ST6GAL2: variants seen among roughly 807,000 people sequenced by gnomAD.
ST6GAL2 encodes ST6 beta-galactoside alpha-2,6-sialyltransferase 2.
ST6GAL2 carries 24 observed loss-of-function variants against 37.5 expected under a neutral mutation model. The ratio of observed to expected loss-of-function variants is 0.64; its 90% CI spans 0.46 to 0.90. The LOEUF is 0.90. Ranked by LOEUF, ST6GAL2 falls within the 40% of genes least tolerant of loss-of-function variation. The pLI is 0.00. For missense variants in ST6GAL2, 715 were observed against 712.7 expected, an observed-to-expected ratio of 1.00 and a Z score of -0.04; for synonymous variants, 306 against 295.1, an observed-to-expected ratio of 1.04 and a Z score of -0.38.
chr2:106,829,087 C>A (rs1676312555), intron 5 of ST6GAL2, among the ~76,000 whole-genome samples: 1 of 152,200 alleles, frequency 6.6e-6, no homozygotes, highest in Non-Finnish European at 1.5e-5. Context: ...ACACACTATC[C>A]TGTGGTCACA....
chr2:106,807,870 C>G (rs576219212), intron 5 of ST6GAL2, among the ~76,000 whole-genome samples: 8 of 152,196 alleles, frequency 5.3e-5, no homozygotes, highest in African/African-American at 1.4e-4. Flanking sequence ...CTGCTCCCCC[C>G]ACCTCGGCCT....
intron 1 of ST6GAL2, among the ~76,000 whole-genome samples, chr2:106,878,231 G>A (rs2104644914): frequency 1.3e-5 from 2 of 152,350 alleles, no homozygotes; most frequent in Middle Eastern, 3.4e-3. Flanking sequence ...TGGGGGTTGA[G>A]GCGGGAGGAT....
intron 5 of ST6GAL2, chr2:106,813,063 A>G: frequency 8.1e-7 from 1 of 1,229,392 alleles, no homozygotes; most frequent in East Asian, 3.2e-5. Context: ...GTATGGGGCC[A>G]GCTGTTTTGA....
At chr2:106,850,714 C>A (rs576526347) in intron 1 of ST6GAL2, among the ~76,000 whole-genome samples, 158 of 152,154 alleles carry the variant, frequency 1.0e-3, no homozygotes, top group Middle Eastern at 3.2e-3. Context: ...AATGTTACAG[C>A]CCTGGATCAT....
At chr2:106,820,632 C>T (rs1422221828) in intron 5 of ST6GAL2, among the ~76,000 whole-genome samples, 1 of 152,006 alleles carries the variant, frequency 6.6e-6, no homozygotes, top group East Asian at 1.9e-4. Context: ...ACCAAATGGA[C>T]CTATAATTAT....
At chr2:106,867,059 G>A (rs973471607) in intron 1 of ST6GAL2, among the ~76,000 whole-genome samples, 2 of 152,182 alleles carry the variant, frequency 1.3e-5, no homozygotes, top group Non-Finnish European at 1.5e-5. Flanking sequence ...AGGCAAGGAA[G>A]AGAAGGGAAA....
intron 1 of ST6GAL2, among the ~76,000 whole-genome samples, chr2:106,874,426 G>A (rs985324064): frequency 6.6e-6 from 1 of 152,084 alleles, no homozygotes; most frequent in African/African-American, 2.4e-5. Context: ...CATGAGCTTG[G>A]ATCCAAGCCA....
chr2:106,849,364 C>A (rs1677266458), intron 1 of ST6GAL2, among the ~76,000 whole-genome samples: 1 of 152,058 alleles, frequency 6.6e-6, no homozygotes, highest in African/African-American at 2.4e-5. Flanking sequence ...GTGGACACAA[C>A]TGACCAGGAT....
chr2:106,875,907 C>T (rs1395391098), intron 1 of ST6GAL2, among the ~76,000 whole-genome samples: 1 of 152,106 alleles, frequency 6.6e-6, no homozygotes, highest in East Asian at 1.9e-4. Flanking sequence ...AAATTTTTTC[C>T]AAATTCACAA....
At chr2:106,808,057 T>C (rs1675484364) in intron 5 of ST6GAL2, among the ~76,000 whole-genome samples, 1 of 152,154 alleles carries the variant, frequency 6.6e-6, no homozygotes. Context: ...ATAAAAAACA[T>C]AAAGCAGCAC....
intron 1 of ST6GAL2, among the ~76,000 whole-genome samples, chr2:106,874,443 CAT>C (rs1048669568): frequency 6.6e-6 from 1 of 151,958 alleles, no homozygotes; most frequent in African/African-American, 2.4e-5. Flanking sequence ...GCCAGAAGCA[CAT>C]GATGTTCTAA....
At position 106,843,908 on chromosome 2, in the gene ST6GAL2, A is replaced by C. The variant is rs752050814; in HGVS notation, c.70T>G (p.Leu24Val). The C allele has an allele frequency of 4.8e-5, 77 of 1,602,574 alleles. No individual in the cohort carries two copies. The highest frequency in any genetic ancestry group is 6.0e-5 in the Non-Finnish European group (71 of 1,179,022). Reference sequence around the variant, plus strand: ...TCGGTGAAGTAGATGAAAATCAGCAAAAAGAGGAGCCCCCAAGCGAATATT... The same window carrying C: ...TCGGTGAAGTAGATGAAAATCAGCACAAAGAGGAGCCCCCAAGCGAATATT... ...FGIFAWGLLF[L>V]LIFIYFTDSN... is the part of the protein sequence containing the mutation. The change falls in exon 2 of 6, where the codon TTG (leucine) becomes GTG (valine). Residue 24 changes from leucine (L) to valine (V), a missense_variant. Transcript: ENST00000409382.
At chr2:106,820,681 T>C (rs1675971390) in intron 5 of ST6GAL2, among the ~76,000 whole-genome samples, 1 of 152,096 alleles carries the variant, frequency 6.6e-6, no homozygotes, top group South Asian at 2.1e-4. Flanking sequence ...GAATACACAT[T>C]CTTTTCCTCA....
chr2:106,836,147 CA>C (rs1468563463), intron 2 of ST6GAL2, among the ~76,000 whole-genome samples: 1 of 152,020 alleles, frequency 6.6e-6, no homozygotes, highest in Non-Finnish European at 1.5e-5. Context: ...TCTATATTTT[CA>C]AAAACCAAAA....
intron 1 of ST6GAL2, among the ~76,000 whole-genome samples, chr2:106,874,660 C>T (rs1373022587): frequency 1.3e-5 from 2 of 152,132 alleles, no homozygotes; most frequent in African/African-American, 4.8e-5. Flanking sequence ...CAGTGCACTG[C>T]TTCCCCTCAA....
intron 4 of ST6GAL2, 94 bp downstream of exon 4, chr2:106,832,471 T>C (rs1474676506): frequency 2.8e-5 from 19 of 685,330 alleles, no homozygotes; most frequent in Non-Finnish European, 4.3e-5. Flanking sequence ...ACTTTCATTG[T>C]CTGTCAAAGC....
chr2:106,886,850 G>A (rs1275270476), upstream of ST6GAL2: 1 of 152,064 alleles, frequency 6.6e-6, no homozygotes, highest in African/African-American at 2.4e-5. Context: ...GCGGATTTCT[G>A]CTTGTCGCGG....
intron 5 of ST6GAL2, among the ~76,000 whole-genome samples, chr2:106,816,130 C>T (rs1250049092): frequency 6.6e-6 from 1 of 152,148 alleles, no homozygotes; most frequent in Non-Finnish European, 1.5e-5. Flanking sequence ...AGTTATATTA[C>T]TATTTTGCTT....
rs188647695 is a variant in ST6GAL2 at position 106,817,616 on chromosome 2, T to C, written c.1319-10667A>G. 9.2e-5 allele frequency among the ~76,000 whole-genome samples: 14 copies of C among 152,224 alleles called. No individual in the cohort carries two copies. The East Asian group carries it at 2.7e-3, about 29-fold the overall frequency. On this transcript the variant is annotated intron_variant, in intron 5 of 5. Coordinates refer to ENST00000409382, the MANE Select transcript of ST6GAL2 (RefSeq NM_001142351.2). ...GCCTTGGGTGAGACTCAGAGCCATG[T>C]TGGCTTCAGGTGACACTCAGCATTT...
Sources: gnomAD v4.1 joint callset for allele counts (sites outside exome capture counted in the v4.1 genomes callset) on GRCh38, gnomAD v4.1.1 for gene constraint, MANE v1.5 for transcripts, NCBI Gene and HGNC (gene_info 2026-07-23, HGNC 2026-07-21) for gene names.